Variants in SCAMP1 observed in about 807,000 individuals in gnomAD.
SCAMP1 encodes the protein secretory carrier membrane protein 1.
In SCAMP1, 15 loss-of-function variants were observed where a neutral mutation model predicts 41.8. The observed-to-expected ratio is 0.36, with a 90% CI of 0.24 to 0.55. The LOEUF is 0.55. SCAMP1 is among the 20% of genes least tolerant of loss of function. The pLI, the probability that SCAMP1 is intolerant of heterozygous loss-of-function variation, is 0.86. For synonymous variants in SCAMP1, 135 were observed against 136.8 expected, an observed-to-expected ratio of 0.99 and a Z score of 0.09; for missense variants, 341 against 412.6, an observed-to-expected ratio of 0.83 and a Z score of 1.50.
intron 2 of SCAMP1, among the ~76,000 whole-genome samples, chr5:78,404,979 A>G (rs1225562865): frequency 6.6e-6 from 1 of 152,212 alleles, no homozygotes; most frequent in African/African-American, 2.4e-5. Flanking sequence ...AATTACAGTT[A>G]AGGTTTTTCT....
intron 1 of SCAMP1, among the ~76,000 whole-genome samples, chr5:78,369,327 C>T (rs975488935): frequency 6.6e-6 from 1 of 151,942 alleles, no homozygotes; most frequent in Non-Finnish European, 1.5e-5. Context: ...GGCTGGTCTC[C>T]AACTCCTGAC....
intron 1 of SCAMP1, among the ~76,000 whole-genome samples, chr5:78,372,210 A>G (rs905795013): frequency 6.6e-5 from 10 of 152,216 alleles, no homozygotes; most frequent in Non-Finnish European, 1.3e-4. Context: ...GAATTCTTAT[A>G]TGATAATTTG....
intron 6 of SCAMP1, among the ~76,000 whole-genome samples, chr5:78,447,097 A>C (rs1341104742): frequency 2.0e-5 from 3 of 152,218 alleles, no homozygotes; most frequent in African/African-American, 7.2e-5. Context: ...TCTAGGTTGC[A>C]TGCTCCTTAT....
chr5:78,463,686 A>T (rs1415503263), intron 8 of SCAMP1, among the ~76,000 whole-genome samples: 1 of 152,204 alleles, frequency 6.6e-6, no homozygotes, highest in Non-Finnish European at 1.5e-5. Flanking sequence ...ATATATAGAG[A>T]CAGAAAATGT....
In SCAMP1 at chr5:78,470,040, T is replaced by C. The variant is rs576647060; in HGVS notation, c.853-5464T>C. Among the ~76,000 whole-genome samples, 129 of 150,874 alleles carry C rather than the reference T, an allele frequency of 8.6e-4. 1 individual carries two copies. The Middle Eastern group carries it at 0.027, about 32-fold the overall frequency. ...AGGAGTTTGAGGCTGCAGTGAGCTA[T>C]GATTGCATACCACTACACTCCAGCC... On this transcript the variant is annotated intron_variant, in intron 8 of 8. Coordinates refer to ENST00000621999, the MANE Select transcript of SCAMP1 (RefSeq NM_004866.6).
rs1754086219 is a variant in SCAMP1 at position 78,479,597 on chromosome 5, G to T, written c.*3929G>T. Among the ~76,000 whole-genome samples the T allele has an allele frequency of 6.6e-6, 1 of 152,142 alleles. No individual in the cohort carries two copies. The highest frequency in any genetic ancestry group is 1.5e-5 in the Non-Finnish European group (1 of 68,030). Reference sequence around the variant, plus strand: ...TAAATCTAGAAACTTTCTAAGCCAGGTATTGCCACTAACCTGTCTTATATA... The same window carrying T: ...TAAATCTAGAAACTTTCTAAGCCAGTTATTGCCACTAACCTGTCTTATATA... On this transcript the variant is annotated 3_prime_UTR_variant, in exon 9 of 9. Coordinates refer to ENST00000621999, the MANE Select transcript of SCAMP1 (RefSeq NM_004866.6).
intron 1 of SCAMP1, among the ~76,000 whole-genome samples, chr5:78,376,220 C>G (rs559926592): frequency 6.6e-6 from 1 of 151,948 alleles, no homozygotes; most frequent in Non-Finnish European, 1.5e-5. Context: ...ATAGAACTTA[C>G]GTTGAAATAT....
chr5:78,450,105 A>G, intron 7 of SCAMP1, 71 bp downstream of exon 7: 2 of 798,360 alleles, frequency 2.5e-6, no homozygotes, highest in Non-Finnish European at 4.1e-6. Flanking sequence ...TTCCTAATCT[A>G]GTTAACACAG....
At chr5:78,443,099 G>A in intron 6 of SCAMP1, among the ~76,000 whole-genome samples, 1 of 150,800 alleles carries the variant, frequency 6.6e-6, no homozygotes, top group Non-Finnish European at 1.5e-5. Context: ...TGTAGTCCCA[G>A]CTATGCGTGA....
At chr5:78,442,805 G>T (rs1409445317) in intron 6 of SCAMP1, among the ~76,000 whole-genome samples, 1 of 152,042 alleles carries the variant, frequency 6.6e-6, no homozygotes, top group East Asian at 1.9e-4. Context: ...TGAGCATTTG[G>T]GGTTATTATA....
chr5:78,398,146 C>T (rs938768127), intron 2 of SCAMP1, among the ~76,000 whole-genome samples: 1 of 152,118 alleles, frequency 6.6e-6, no homozygotes, highest in Non-Finnish European at 1.5e-5. Context: ...AAAACCAGTA[C>T]ACAAATGCAA....
chr5:78,437,834 C>T (rs529122900), intron 6 of SCAMP1, among the ~76,000 whole-genome samples: 16 of 152,264 alleles, frequency 1.1e-4, no homozygotes, highest in Non-Finnish European at 2.1e-4. Context: ...GCTGTGAATC[C>T]GTCTGGTCCT....
chr5:78,374,353 G>A (rs535578188), intron 1 of SCAMP1, among the ~76,000 whole-genome samples: 1 of 152,210 alleles, frequency 6.6e-6, no homozygotes, highest in Non-Finnish European at 1.5e-5. Context: ...GGGAAATTCG[G>A]ACACAGAAGT....
At chr5:78,362,968 C>T (rs1750696648) in intron 1 of SCAMP1, among the ~76,000 whole-genome samples, 1 of 150,224 alleles carries the variant, frequency 6.7e-6, no homozygotes, top group Non-Finnish European at 1.5e-5. Context: ...TCTCAACTCA[C>T]CACAACCTCT....
intron 2 of SCAMP1, among the ~76,000 whole-genome samples, chr5:78,394,341 T>TA (rs36009214): frequency 4.0e-5 from 6 of 151,188 alleles, no homozygotes; most frequent in Non-Finnish European, 7.4e-5. Context: ...CTTTTTTTTA[T>TA]ATATATATAT....
At chr5:78,376,114 C>A (rs978276774) in intron 1 of SCAMP1, among the ~76,000 whole-genome samples, 5 of 152,098 alleles carry the variant, frequency 3.3e-5, no homozygotes, top group African/African-American at 1.2e-4. Flanking sequence ...CATCACGGTC[C>A]TACCGATATG....
chr5:78,384,478 C>T (rs1012009820), intron 1 of SCAMP1, among the ~76,000 whole-genome samples: 1 of 152,062 alleles, frequency 6.6e-6, no homozygotes, highest in African/African-American at 2.4e-5. Context: ...CTGGCTAGGA[C>T]TTCCAGTACG....
chr5:78,453,346 T>G (rs1753294106), intron 7 of SCAMP1, among the ~76,000 whole-genome samples: 1 of 149,260 alleles, frequency 6.7e-6, no homozygotes, highest in African/African-American at 2.5e-5. Context: ...TTAATCCATC[T>G]TGAATTGATT....
chr5:78,472,719 A>G (rs1471143702), intron 8 of SCAMP1, among the ~76,000 whole-genome samples: 1 of 152,052 alleles, frequency 6.6e-6, no homozygotes, highest in African/African-American at 2.4e-5. Context: ...GGCTATTCCT[A>G]CCTTTATTTT....
Sources: gnomAD v4.1 joint callset for allele counts (sites outside exome capture counted in the v4.1 genomes callset) on GRCh38, gnomAD v4.1.1 for gene constraint, MANE v1.5 for transcripts, NCBI Gene and HGNC (gene_info 2026-07-23, HGNC 2026-07-21) for gene names.